Variants in SH3RF2 observed in about 807,000 individuals in gnomAD.
SH3RF2 encodes the protein SH3 domain containing ring finger 2, also known as E3 ubiquitin-protein ligase SH3RF2.
In SH3RF2, 43 loss-of-function variants were observed where a neutral mutation model predicts 59.0. That is an observed-to-expected ratio of 0.73 (90% CI 0.57 to 0.94). The LOEUF is 0.94. Among genes scored for constraint, SH3RF2 ranks in the 40% least tolerant of loss-of-function variants. The pLI is 0.00. For missense variants in SH3RF2, 930 were observed against 940.1 expected, an observed-to-expected ratio of 0.99 and a Z score of 0.14; for synonymous variants, 391 against 391.5, an observed-to-expected ratio of 1.00 and a Z score of 0.01.
chr5:146,035,952 T>G (rs536870651), intron 5 of SH3RF2, among the ~76,000 whole-genome samples: 1 of 152,182 alleles, frequency 6.6e-6, no homozygotes, highest in African/African-American at 2.4e-5. Context: ...GCAGATGCTT[T>G]ACAAGCATCT....
In SH3RF2 at chr5:146,000,128, A is replaced by T; in HGVS notation, c.449A>T (p.Asp150Val). ...NPGDLRFNKG[D>V]IILLRRQLDE... Reference sequence around the variant, plus strand: ...GGTGACCTAAGGTTTAATAAGGGAGATATCATCCTTCTCCGGAGACAGCTT... The same window carrying T: ...GGTGACCTAAGGTTTAATAAGGGAGTTATCATCCTTCTCCGGAGACAGCTT... Residue 150 changes from aspartate (D) to valine (V), a missense_variant, in exon 3 of 10, where the codon GAT (aspartate) becomes GTT (valine). Coordinates refer to ENST00000359120, the MANE Select transcript of SH3RF2 (RefSeq NM_152550.4). 6.2e-7 allele frequency: 1 copy of T among 1,613,898 alleles called. No homozygotes were observed. Among genetic ancestry groups the T allele is most frequent in the Non-Finnish European group, 8.5e-7 (1 of 1,179,902 alleles).
chr5:146,074,995 A>T (rs1290144761), intron 9 of SH3RF2, among the ~76,000 whole-genome samples: 1 of 152,356 alleles, frequency 6.6e-6, no homozygotes, highest in African/African-American at 2.4e-5. Context: ...ACAACACCAT[A>T]CAAAATAAAC....
rs139080152 is a variant in SH3RF2 at position 146,047,533 on chromosome 5, T to G, written c.1060-239T>G. ...GGACGGCTCTTCATCTTCCACCCTA[T>G]CTGAGCAGGCTTTTGGAATGCAGTC... On this transcript the variant is annotated intron_variant, in intron 5 of 9. Coordinates refer to ENST00000359120, the MANE Select transcript of SH3RF2 (RefSeq NM_152550.4). 4.9e-4 allele frequency among the ~76,000 whole-genome samples: 74 copies of G among 152,140 alleles called. 1 individual carries two copies. The highest frequency in any genetic ancestry group is 1.8e-3 in the African/African-American group (74 of 41,500).
At chr5:146,046,867 G>A (rs1182494359) in intron 5 of SH3RF2, among the ~76,000 whole-genome samples, 1 of 151,852 alleles carries the variant, frequency 6.6e-6, no homozygotes, top group Non-Finnish European at 1.5e-5. Context: ...AGGCTCAAGC[G>A]AACTTCCCAT....
chr5:145,997,926 G>T (rs535400262), intron 2 of SH3RF2: 2 of 822,288 alleles, frequency 2.4e-6, no homozygotes, highest in South Asian at 1.3e-5. Flanking sequence ...CACCTCAGGT[G>T]CTACACAGTT....
intron 5 of SH3RF2, among the ~76,000 whole-genome samples, chr5:146,039,214 A>G (rs1265868537): frequency 6.6e-6 from 1 of 152,222 alleles, no homozygotes; most frequent in Non-Finnish European, 1.5e-5. Context: ...ATAGAAGTAT[A>G]TCCTTATGAC....
intron 2 of SH3RF2, among the ~76,000 whole-genome samples, chr5:145,938,934 T>A (rs1283561074): frequency 6.6e-6 from 1 of 152,194 alleles, no homozygotes; most frequent in African/African-American, 2.4e-5. Flanking sequence ...TGCAGATGTG[T>A]CTCATTTTGC....
chr5:145,979,155 G>C (rs1054300200), intron 2 of SH3RF2, among the ~76,000 whole-genome samples: 1 of 152,192 alleles, frequency 6.6e-6, no homozygotes, highest in Non-Finnish European at 1.5e-5. Flanking sequence ...AGTTCCCAAA[G>C]TGTGGTCCCC....
chr5:145,937,458 G>A (rs914746909), intron 1 of SH3RF2, among the ~76,000 whole-genome samples: 1 of 152,196 alleles, frequency 6.6e-6, no homozygotes, highest in African/African-American at 2.4e-5. Flanking sequence ...TTCGGAGGGG[G>A]CTTTGTTGTA....
rs562880310 is a variant in SH3RF2, at chr5:145,977,169, A to AG, written c.379-22886dup. On this transcript the variant is annotated intron_variant, in intron 2 of 9. Coordinates refer to ENST00000359120, the MANE Select transcript of SH3RF2 (RefSeq NM_152550.4). ...AGCAATATCTTCTGATTCCTAGTCC[A>AG]GGGCTCTTTTTCTTAGGCCCGACTA... 1.4e-4 allele frequency among the ~76,000 whole-genome samples: 21 copies of AG among 152,368 alleles called. No individual in the cohort carries two copies. In the East Asian group the frequency reaches 3.9e-3, roughly 28 times the overall value.
At chr5:146,053,070 T>C (rs1467392879) in intron 7 of SH3RF2, among the ~76,000 whole-genome samples, 1 of 152,220 alleles carries the variant, frequency 6.6e-6, no homozygotes, top group Admixed American at 6.5e-5. Context: ...CATCATCACC[T>C]AATGAACTGA....
chr5:146,062,227 C>A (rs562818976), intron 9 of SH3RF2, among the ~76,000 whole-genome samples, 199 bp from the exon 10 acceptor site: 1 of 152,166 alleles, frequency 6.6e-6, no homozygotes, highest in African/African-American at 2.4e-5. Flanking sequence ...TCCCTGGCTT[C>A]TCCACTTCCA....
chr5:146,000,194 G>T lies in SH3RF2; in HGVS notation c.515G>T (p.Gly172Val). The T allele has an allele frequency of 6.2e-7, 1 of 1,613,550 alleles. No homozygotes were observed. The highest frequency in any genetic ancestry group is 8.5e-7 in the Non-Finnish European group (1 of 1,179,786). ...WYQGEINGIS[G>V]NFPASSVEVI... ...CAGGGGGAAATCAATGGCATCAGCG[G>T]GAACTTCCCAGCCAGCTCCGTGGAA... The change falls in exon 3 of 10, where the codon GGG (glycine) becomes GTG (valine). Residue 172 changes from glycine to valine, a missense_variant. Gly to Val is a moderately radical substitution (Grantham distance 109). Coordinates refer to ENST00000359120, the MANE Select transcript of SH3RF2 (RefSeq NM_152550.4).
intron 7 of SH3RF2, among the ~76,000 whole-genome samples, chr5:146,055,585 A>C (rs2150019156): frequency 6.6e-6 from 1 of 152,358 alleles, no homozygotes; most frequent in Middle Eastern, 3.4e-3. Context: ...TTTGTGAAAA[A>C]GTCACTGACT....
intron 5 of SH3RF2, among the ~76,000 whole-genome samples, chr5:146,030,640 T>C (rs1186731857): frequency 6.6e-6 from 1 of 152,126 alleles, no homozygotes; most frequent in African/African-American, 2.4e-5. Context: ...CATTCATTTC[T>C]TTGAGCTATA....
chr5:146,041,705 G>T (rs1011525293), intron 5 of SH3RF2, among the ~76,000 whole-genome samples: 24 of 152,120 alleles, frequency 1.6e-4, no homozygotes, highest in Admixed American at 7.9e-4. Flanking sequence ...GGCCGAGGAC[G>T]TATCACCTGG....
chr5:145,966,978 A>G (rs72652829), intron 2 of SH3RF2, among the ~76,000 whole-genome samples: 14,603 of 152,268 alleles, frequency 0.096, 1,058 homozygotes, highest in East Asian at 0.27. Context: ...CTAAGATCAC[A>G]CCACTGCACT....
chr5:146,002,632 G>A (rs1177392110), intron 3 of SH3RF2, among the ~76,000 whole-genome samples: 3 of 152,128 alleles, frequency 2.0e-5, no homozygotes, highest in Non-Finnish European at 2.9e-5. Context: ...GTGAGGAAAC[G>A]GGCCGCACAG....
chr5:146,070,649 G>A (rs1324758447), intron 9 of SH3RF2, among the ~76,000 whole-genome samples: 4 of 152,132 alleles, frequency 2.6e-5, no homozygotes, highest in Admixed American at 6.5e-5. Context: ...ACAAGAAGAG[G>A]GATATGATCT....
Sources: gnomAD v4.1 joint callset for allele counts (sites outside exome capture counted in the v4.1 genomes callset) on GRCh38, gnomAD v4.1.1 for gene constraint, MANE v1.5 for transcripts, NCBI Gene and HGNC (gene_info 2026-07-23, HGNC 2026-07-21) for gene names.